The following ZBTB20 variants were observed in gnomAD, a reference collection of about 807,000 sequenced individuals.
ZBTB20 encodes zinc finger and BTB domain-containing protein 20.
ZBTB20 carries 9 observed loss-of-function variants against 56.9 expected under a neutral mutation model. The observed-to-expected ratio is 0.16, with a 90% CI of 0.10 to 0.28. The LOEUF is 0.28. Among genes scored for constraint, ZBTB20 ranks in the 10% least tolerant of loss-of-function variants. The pLI is 1.00. For synonymous variants in ZBTB20, 417 were observed against 420.7 expected (o/e 0.99, Z 0.11); for missense variants, 655 against 1,003.0 (o/e 0.65, Z 4.69).
intron 6 of ZBTB20, among the ~76,000 whole-genome samples, chr3:114,543,834 C>T (rs2049406070): frequency 6.6e-6 from 1 of 152,166 alleles, no homozygotes; most frequent in African/African-American, 2.4e-5. Flanking sequence ...TAGCTTAACT[C>T]AAGAACTTTT....
chr3:115,040,752 C>T (rs73859707), intron 2 of ZBTB20, among the ~76,000 whole-genome samples: 13,440 of 152,080 alleles, frequency 0.088, 1,729 homozygotes, highest in African/African-American at 0.28. Flanking sequence ...GCATTTTAGA[C>T]AATATATGTG....
Position 114,939,516 on chromosome 3 carries a change from T to C in ZBTB20, c.-456+34850A>G, listed in dbSNP as rs955849165. Among the ~76,000 whole-genome samples, 6 of 146,550 alleles carry C rather than the reference T, an allele frequency of 4.1e-5. 2 individuals carry two copies. The highest frequency in any genetic ancestry group is 1.7e-4 in the African/African-American group (6 of 36,130). ...ATATGGTAGTAATAGGAAGTTTTTT[T>C]GCATTTTTGAATTTTCCAAATTTTC... is the stretch of plus-strand genomic sequence containing the variant. On this transcript the variant is annotated intron_variant, in intron 3 of 11. Transcript: ENST00000675478.
chr3:114,466,414 G>T (rs1342580214), intron 7 of ZBTB20, among the ~76,000 whole-genome samples: 1 of 152,080 alleles, frequency 6.6e-6, no homozygotes, highest in Non-Finnish European at 1.5e-5. Flanking sequence ...CTTTTTCATG[G>T]ACCTTTTCCT....
intron 4 of ZBTB20, chr3:114,873,962 C>T (rs1560348150): frequency 6.6e-6 from 1 of 152,168 alleles, no homozygotes; most frequent in South Asian, 2.1e-4. Context: ...AGAACCAACA[C>T]TGCCTGGACA....
At chr3:115,005,476 T>C (rs1170199849) in intron 2 of ZBTB20, among the ~76,000 whole-genome samples, 1 of 151,788 alleles carries the variant, frequency 6.6e-6, no homozygotes, top group Non-Finnish European at 1.5e-5. Context: ...GAACTTGGAA[T>C]GGACATTATT....
chr3:114,529,738 G>A (rs1297868842), intron 6 of ZBTB20, among the ~76,000 whole-genome samples: 3 of 152,150 alleles, frequency 2.0e-5, no homozygotes, highest in Non-Finnish European at 4.4e-5. Context: ...GGGTTTTGTT[G>A]GTGTGGAAAT....
intron 4 of ZBTB20, among the ~76,000 whole-genome samples, chr3:114,808,775 TG>T (rs939669751): frequency 6.6e-6 from 1 of 152,138 alleles, no homozygotes; most frequent in African/African-American, 2.4e-5. Flanking sequence ...AATGACGTGA[TG>T]AGGTCCTTTT....
chr3:114,536,436 G>C (rs1214694925), intron 6 of ZBTB20, among the ~76,000 whole-genome samples: 1 of 152,156 alleles, frequency 6.6e-6, no homozygotes, highest in Non-Finnish European at 1.5e-5. Flanking sequence ...TACAGGGGAT[G>C]TGAAGGACCT....
intron 6 of ZBTB20, among the ~76,000 whole-genome samples, chr3:114,589,455 C>G (rs2055521034): frequency 6.6e-6 from 1 of 152,170 alleles, no homozygotes; most frequent in Admixed American, 6.5e-5. Context: ...GCAAAGCATT[C>G]TTAATCTCTT....
intron 2 of ZBTB20, among the ~76,000 whole-genome samples, chr3:114,987,266 C>T (rs1289842491): frequency 6.6e-6 from 1 of 152,020 alleles, no homozygotes; most frequent in Non-Finnish European, 1.5e-5. Context: ...ATAACGGGAA[C>T]TTTTAGGTAA....
chr3:114,635,762 G>A (rs563272494), intron 6 of ZBTB20, among the ~76,000 whole-genome samples: 1 of 151,808 alleles, frequency 6.6e-6, no homozygotes, highest in South Asian at 2.1e-4. Context: ...GGAGCACAAA[G>A]AAAAAACAAG....
chr3:115,034,638 A>C (rs2080840877), intron 2 of ZBTB20, among the ~76,000 whole-genome samples: 1 of 151,972 alleles, frequency 6.6e-6, no homozygotes, highest in Non-Finnish European at 1.5e-5. Context: ...TAACATTGTC[A>C]AGATATCAGT....
intron 7 of ZBTB20, among the ~76,000 whole-genome samples, chr3:114,447,371 T>C (rs1401187379): frequency 6.6e-6 from 1 of 152,196 alleles, no homozygotes; most frequent in Non-Finnish European, 1.5e-5. Flanking sequence ...TTGCAATGAA[T>C]ATCACCAAAA....
In ZBTB20 at chr3:114,437,342, A is replaced by G. The variant is rs143586011; in HGVS notation, c.-254-48237T>C. On this transcript the variant is annotated intron_variant, in intron 7 of 11. Coordinates refer to ENST00000675478, the MANE Select transcript of ZBTB20 (RefSeq NM_001348800.3). ...TTGTGCTGTTGCTCAACAGGCGGTC[A>G]GCAAACTACAGCCTACTTGGTTGAG... Among the ~76,000 whole-genome samples the G allele has an allele frequency of 4.3e-3, 648 of 152,290 alleles. 21 individuals are homozygous for G. The highest frequency in any genetic ancestry group is 0.026 in the Admixed American group (405 of 15,300).
intron 7 of ZBTB20, among the ~76,000 whole-genome samples, chr3:114,389,306 C>T (rs1244706676): frequency 6.6e-6 from 1 of 152,040 alleles, no homozygotes; most frequent in African/African-American, 2.4e-5. Context: ...AGTGCTTTCA[C>T]CTAACTGCCT....
chr3:114,998,144 C>T (rs2079100115), intron 2 of ZBTB20, among the ~76,000 whole-genome samples: 1 of 151,628 alleles, frequency 6.6e-6, no homozygotes, highest in Non-Finnish European at 1.5e-5. Context: ...GTCAAATTTA[C>T]CCGTTACCCA....
At chr3:114,651,676 C>A (rs2060142100) in intron 6 of ZBTB20, among the ~76,000 whole-genome samples, 1 of 151,772 alleles carries the variant, frequency 6.6e-6, no homozygotes, top group South Asian at 2.1e-4. Context: ...AAGGACTCCT[C>A]TTTTCTCCCT....
chr3:114,516,076 C>T (rs2045957706), intron 6 of ZBTB20, among the ~76,000 whole-genome samples: 2 of 151,830 alleles, frequency 1.3e-5, no homozygotes, highest in Non-Finnish European at 1.5e-5. Context: ...ATTCTTCAAC[C>T]TCATTGTTTT....
rs780461943 is a variant in ZBTB20 at position 114,339,011 on chromosome 3, G to A, written c.2220C>T (p.Asp740=). ...AAAGAGAGAAAGATACTACTTATCCGTCAGACACATGCATCCTCATGTGGT... is the reference window on the plus strand; with the variant it reads ...AAAGAGAGAAAGATACTACTTATCCATCAGACACATGCATCCTCATGTGGT... ...FNDHMRMHVS[D]G The change falls in exon 12 of 12, where the codon GAC becomes GAT. Residue 740 remains aspartate, a synonymous_variant. Coordinates refer to ENST00000675478, the MANE Select transcript of ZBTB20 (RefSeq NM_001348800.3). The surrounding 1 kb of genome is among the most constrained non-coding windows in gnomAD (Gnocchi z 4.2). The A allele has an allele frequency of 8.0e-6, 12 of 1,504,848 alleles. No individual in the cohort carries two copies. The East Asian group carries it at 1.6e-4, about 20-fold the overall frequency. The allele number at this position is 1,504,848 out of a possible 1,614,324, so 93.2% of individuals were successfully genotyped here. A position where few individuals can be genotyped will look rare whatever the true frequency, so the allele number is the denominator to read the frequency against.
Sources: allele counts gnomAD v4.1 joint callset (sites outside exome capture counted in the v4.1 genomes callset), GRCh38; gene constraint gnomAD v4.1.1; non-coding constraint Gnocchi (gnomAD v3.1); transcripts MANE v1.5; gene names NCBI Gene and HGNC (gene_info 2026-07-23, HGNC 2026-07-21).